Variants in PCSK5 observed in about 807,000 individuals in gnomAD.
PCSK5 encodes the protein prohormone convertase 5.
In PCSK5, 129 loss-of-function variants were observed where a neutral mutation model predicts 233.2. That is an observed-to-expected ratio of 0.55 (90% CI 0.48 to 0.64). The LOEUF is 0.64. Ranked by LOEUF, PCSK5 falls within the 30% of genes least tolerant of loss-of-function variation. The pLI is 0.00. For synonymous variants in PCSK5, 825 were observed against 879.2 expected (o/e 0.94, Z 1.09); for missense variants, 2,076 against 2,430.1 (o/e 0.85, Z 3.06).
chr9:75,987,990 G>A (rs1826597813), intron 3 of PCSK5, among the ~76,000 whole-genome samples: 1 of 152,166 alleles, frequency 6.6e-6, no homozygotes, highest in Non-Finnish European at 1.5e-5. Context: ...CACCCCAGCA[G>A]GGCAGACTGG....
chr9:76,119,670 A>T (rs1251977852), intron 9 of PCSK5, among the ~76,000 whole-genome samples: 1 of 151,934 alleles, frequency 6.6e-6, no homozygotes, highest in Non-Finnish European at 1.5e-5. Flanking sequence ...TTGCATGTAC[A>T]TAGTATGTGT....
chr9:76,254,225 A>G (rs1353920604), intron 24 of PCSK5, among the ~76,000 whole-genome samples: 1 of 152,212 alleles, frequency 6.6e-6, no homozygotes, highest in Non-Finnish European at 1.5e-5. Context: ...TGCAGAAAAG[A>G]GAGAAAATAA....
intron 20 of PCSK5, among the ~76,000 whole-genome samples, chr9:76,206,479 C>G (rs4545165): frequency 0.44 from 66,333 of 152,060 alleles, 15,349 homozygotes; most frequent in African/African-American, 0.59. Flanking sequence ...TCCCTGCTCT[C>G]CCCAGGCTGC....
At chr9:75,951,413 G>A (rs1397650459) in intron 2 of PCSK5, among the ~76,000 whole-genome samples, 1 of 152,164 alleles carries the variant, frequency 6.6e-6, no homozygotes, top group Non-Finnish European at 1.5e-5. Flanking sequence ...TATAATCAGT[G>A]GATAAATAGT....
At chr9:76,171,302 A>C (rs17062158) in intron 13 of PCSK5, among the ~76,000 whole-genome samples, 10,006 of 152,246 alleles carry the variant, frequency 0.066, 363 homozygotes, top group South Asian at 0.13. Context: ...AAACGGAAGC[A>C]TGGTGACTGG....
At chr9:75,900,692 AAAC>A (rs1205437550) in intron 1 of PCSK5, among the ~76,000 whole-genome samples, 3 of 148,356 alleles carry the variant, frequency 2.0e-5, no homozygotes, top group African/African-American at 4.9e-5. Flanking sequence ...AAAAAAAAAA[AAAC>A]AAACAACTTT....
intron 3 of PCSK5, among the ~76,000 whole-genome samples, chr9:75,999,625 G>A (rs1238911058): frequency 2.0e-5 from 3 of 152,330 alleles, no homozygotes; most frequent in East Asian, 1.9e-4. Context: ...GCGGTTTTCC[G>A]CCCTGGGTGG....
intron 3 of PCSK5, among the ~76,000 whole-genome samples, chr9:75,986,606 C>A (rs1650398857): frequency 1.3e-5 from 2 of 152,162 alleles, no homozygotes; most frequent in African/African-American, 4.8e-5. Context: ...ATTTACTGTA[C>A]CTTGAAACTA....
chr9:76,229,821 T>A (rs1410634213), intron 21 of PCSK5, among the ~76,000 whole-genome samples: 1 of 152,198 alleles, frequency 6.6e-6, no homozygotes. Flanking sequence ...CCCAGCTGCT[T>A]AGCACTTGGT....
At chr9:75,971,296 G>T (rs1167233983) in intron 2 of PCSK5, among the ~76,000 whole-genome samples, 1 of 152,104 alleles carries the variant, frequency 6.6e-6, no homozygotes, top group East Asian at 1.9e-4. Flanking sequence ...GTATTCCATG[G>T]TGTATATGTA....
chr9:76,218,659 C>T (rs1825623894), intron 20 of PCSK5, among the ~76,000 whole-genome samples: 1 of 147,622 alleles, frequency 6.8e-6, no homozygotes, highest in Non-Finnish European at 1.5e-5. Flanking sequence ...CCACCACATC[C>T]TATGAGAGAG....
At chr9:76,340,878 A>AT (rs1271227756) in intron 35 of PCSK5, among the ~76,000 whole-genome samples, 1 of 150,774 alleles carries the variant, frequency 6.6e-6, no homozygotes, top group Non-Finnish European at 1.5e-5. Flanking sequence ...CAACCCATCT[A>AT]TTTTTTTTGT....
At chr9:76,000,615 T>C (rs560766997) in intron 3 of PCSK5, among the ~76,000 whole-genome samples, 1 of 152,356 alleles carries the variant, frequency 6.6e-6, no homozygotes, top group East Asian at 1.9e-4. Context: ...TCTTTCATTT[T>C]ATTTATCAGG....
chr9:76,063,289 C>T, intron 5 of PCSK5, among the ~76,000 whole-genome samples: 1 of 149,240 alleles, frequency 6.7e-6, no homozygotes, highest in Non-Finnish European at 1.5e-5. Flanking sequence ...TGTGCACCAC[C>T]ACACCTGGCT....
chr9:76,026,893 C>T, intron 4 of PCSK5, 68 bp from the exon 5 acceptor site: 1 of 1,010,354 alleles, frequency 9.9e-7, no homozygotes, highest in Non-Finnish European at 1.5e-6. Context: ...AATGCATGAG[C>T]CTGTGGGTCA....
At chr9:76,090,312 A>G (rs904639794) in intron 7 of PCSK5, among the ~76,000 whole-genome samples, 1 of 151,326 alleles carries the variant, frequency 6.6e-6, no homozygotes, top group Admixed American at 6.6e-5. Flanking sequence ...TTTTTCCCAC[A>G]TATGTTTTGG....
chr9:76,311,815 C>T (rs1175820771), intron 30 of PCSK5, among the ~76,000 whole-genome samples: 1 of 152,204 alleles, frequency 6.6e-6, no homozygotes. Flanking sequence ...TTAGCTCATC[C>T]TCTCTGACTG....
chr9:76,175,035 A>G lies in PCSK5; in HGVS notation c.1806A>G (p.Pro602=), dbSNP rs755823935. ...TCCTCTACGGCACCTCCGTGCAGCC[A>G]TATTCACCAACCAATGAATTTCCGA... ...SLVLYGTSVQ[P]YSPTNEFPKV... Residue 602 remains proline, a synonymous_variant, in exon 14 of 38, where the codon CCA becomes CCG. Coordinates refer to ENST00000674117, the MANE Select transcript of PCSK5 (RefSeq NM_001372043.1). 93 of 1,613,988 alleles carry G rather than the reference A, an allele frequency of 5.8e-5. No homozygotes were observed. The highest frequency in any genetic ancestry group is 7.5e-5 in the Non-Finnish European group (88 of 1,179,966).
At chr9:76,256,310 G>A (rs1260649861) in intron 24 of PCSK5, among the ~76,000 whole-genome samples, 1 of 152,226 alleles carries the variant, frequency 6.6e-6, no homozygotes, top group Admixed American at 6.5e-5. Context: ...TACTTGTTGT[G>A]TAACTGACCT....
Sources: allele counts gnomAD v4.1 joint callset (sites outside exome capture counted in the v4.1 genomes callset), GRCh38; gene constraint gnomAD v4.1.1; transcripts MANE v1.5; gene names NCBI Gene and HGNC (gene_info 2026-07-23, HGNC 2026-07-21).